TENM3: variants seen among roughly 807,000 people sequenced by gnomAD.
TENM3 encodes teneurin-3.
A neutral mutation model predicts 255.1 loss-of-function variants in TENM3; 63 were observed. That is an observed-to-expected ratio of 0.25 (90% CI 0.20 to 0.30). The LOEUF is 0.30. Among genes scored for constraint, TENM3 ranks in the 10% least tolerant of loss-of-function variants. TENM3 has a pLI of 1.00. For missense variants in TENM3, 2,929 were observed against 3,461.1 expected (o/e 0.85, Z 3.86); for synonymous variants, 1,306 against 1,322.3 (o/e 0.99, Z 0.27).
the TENM3 span, among the ~76,000 whole-genome samples, chr4:181,818,311 C>G: frequency 6.6e-6 from 1 of 152,056 alleles, no homozygotes; most frequent in Non-Finnish European, 1.5e-5. Flanking sequence ...TCTGAGTGGG[C>G]CTGATTCAAT....
chr4:181,544,016 G>A, the TENM3 span, among the ~76,000 whole-genome samples: 2 of 152,096 alleles, frequency 1.3e-5, no homozygotes, highest in Non-Finnish European at 2.9e-5. Flanking sequence ...TAAACATGTG[G>A]TGAGAACAGA....
At chr4:182,261,344 G>A (rs1487032610) in intron 1 of TENM3, among the ~76,000 whole-genome samples, 1 of 152,126 alleles carries the variant, frequency 6.6e-6, no homozygotes, top group Non-Finnish European at 1.5e-5. Flanking sequence ...GCACTAAAAT[G>A]AACATTGCCC....
chr4:182,516,476 C>A (rs980256611), intron 3 of TENM3, among the ~76,000 whole-genome samples: 2 of 152,158 alleles, frequency 1.3e-5, no homozygotes, highest in Non-Finnish European at 2.9e-5. Flanking sequence ...TTTATTAGTT[C>A]CCTACCTCAC....
intron 4 of TENM3, among the ~76,000 whole-genome samples, chr4:182,609,296 C>G (rs72701971): frequency 6.6e-6 from 1 of 152,104 alleles, no homozygotes; most frequent in Non-Finnish European, 1.5e-5. Flanking sequence ...GAATTTCATT[C>G]TCTGGTTTCA....
At chr4:182,535,780 A>C (rs1220539133) in intron 3 of TENM3, among the ~76,000 whole-genome samples, 1 of 151,722 alleles carries the variant, frequency 6.6e-6, no homozygotes, top group African/African-American at 2.4e-5. Flanking sequence ...AATGGCATTT[A>C]ATCTGTAATG....
intron 3 of TENM3, among the ~76,000 whole-genome samples, chr4:182,464,479 A>G (rs559906229): frequency 1.9e-4 from 29 of 151,960 alleles, no homozygotes; most frequent in Admixed American, 3.3e-4. Flanking sequence ...CTGGTCTCCA[A>G]CTCCTGACCT....
At chr4:182,549,786 A>G (rs539751736) in intron 3 of TENM3, among the ~76,000 whole-genome samples, 2 of 152,368 alleles carry the variant, frequency 1.3e-5, no homozygotes, top group African/African-American at 4.8e-5. Context: ...AAGTAGGGCT[A>G]AAAACATTAG....
chr4:181,980,460 G>C, the TENM3 span: 1 of 152,088 alleles, frequency 6.6e-6, no homozygotes, highest in Non-Finnish European at 1.5e-5. Flanking sequence ...ATATAAATCT[G>C]CTTTTGGGGG....
At chr4:182,788,185 A>G (rs1310486458) in intron 24 of TENM3, among the ~76,000 whole-genome samples, 4 of 152,224 alleles carry the variant, frequency 2.6e-5, no homozygotes, top group South Asian at 2.1e-4. Flanking sequence ...TGGAATGTAC[A>G]AGCCACCCCT....
intron 19 of TENM3, among the ~76,000 whole-genome samples, chr4:182,747,008 G>T (rs1240051964): frequency 6.6e-6 from 1 of 152,192 alleles, no homozygotes; most frequent in East Asian, 1.9e-4. Flanking sequence ...TTCTTCCTGT[G>T]TACCTGCCTA....
At chr4:182,220,154 A>T (rs1463373482) in intron 1 of TENM3, among the ~76,000 whole-genome samples, 1 of 152,108 alleles carries the variant, frequency 6.6e-6, no homozygotes, top group Non-Finnish European at 1.5e-5. Flanking sequence ...AGGTGGGCGG[A>T]TCACCTGAGG....
the TENM3 span, among the ~76,000 whole-genome samples, chr4:181,485,626 A>C: frequency 6.6e-6 from 1 of 152,304 alleles, no homozygotes. Context: ...CTGTTAAATC[A>C]TTCTAGGTAG....
chr4:181,859,920 T>C, the TENM3 span, among the ~76,000 whole-genome samples: 4 of 152,188 alleles, frequency 2.6e-5, no homozygotes, highest in African/African-American at 9.7e-5. Context: ...TCAGACTTTC[T>C]TTAATGTCTT....
At chr4:181,752,316 G>A in the TENM3 span, among the ~76,000 whole-genome samples, 33 of 152,112 alleles carry the variant, frequency 2.2e-4, no homozygotes, top group Non-Finnish European at 3.5e-4. Flanking sequence ...TTGGGAGGCC[G>A]AGGCGGGCAG....
intron 3 of TENM3, among the ~76,000 whole-genome samples, chr4:182,421,756 A>G (rs975020129): frequency 1.3e-5 from 2 of 152,196 alleles, no homozygotes; most frequent in Non-Finnish European, 2.9e-5. Flanking sequence ...AAAAAGAAAA[A>G]CAATCTAAAT....
chr4:182,015,915 T>A, the TENM3 span, among the ~76,000 whole-genome samples: 1 of 152,292 alleles, frequency 6.6e-6, no homozygotes, highest in South Asian at 2.1e-4. Context: ...AAAACCATCA[T>A]TAACTTAAAA....
chr4:181,451,289 G>A, the TENM3 span, among the ~76,000 whole-genome samples: 377 of 152,222 alleles, frequency 2.5e-3, 2 homozygotes, highest in African/African-American at 8.7e-3. Flanking sequence ...GATGTCTAGA[G>A]CACAGCCTGC....
At chr4:181,760,175 A>G in the TENM3 span, among the ~76,000 whole-genome samples, 66,968 of 151,784 alleles carry the variant, frequency 0.44, 15,282 homozygotes, top group African/African-American at 0.57. Context: ...AAAGTCACCA[A>G]TGGAAAGATT....
Position 182,754,528 on chromosome 4 carries a change from C to T in TENM3, c.4161C>T (p.Pro1387=), listed in dbSNP as rs373683560. The T allele has an allele frequency of 1.6e-5, 26 of 1,613,802 alleles. No homozygotes were observed. In the African/African-American group the frequency reaches 1.7e-4, roughly 11 times the overall value. Residue 1387 remains proline (P), a synonymous_variant, in exon 22 of 28, where the codon CCC becomes CCT. Coordinates refer to ENST00000511685, the MANE Select transcript of TENM3 (RefSeq NM_001080477.4). The surrounding 1 kb of genome is among the most constrained non-coding windows in gnomAD (Gnocchi z 5.1). ...GACGGCCCATGCACTGTCAGGTTCC[C>T]GGAGTGGAATATCCTGTGGGGAAGC... ...AAGRPMHCQV[P]GVEYPVGKHA...
Sources: allele counts gnomAD v4.1 joint callset (sites outside exome capture counted in the v4.1 genomes callset), GRCh38; gene constraint gnomAD v4.1.1; non-coding constraint Gnocchi (gnomAD v3.1); transcripts MANE v1.5; gene names NCBI Gene and HGNC (gene_info 2026-07-23, HGNC 2026-07-21).